The following PRKACA variants were observed in gnomAD, a reference collection of about 807,000 sequenced individuals.
PRKACA encodes protein kinase cAMP-activated catalytic subunit alpha.
In PRKACA, 9 loss-of-function variants were observed where a neutral mutation model predicts 45.8. That is an observed-to-expected ratio of 0.20 (90% confidence interval 0.12 to 0.34). PRKACA has a LOEUF of 0.34. PRKACA is among the 10% of genes least tolerant of loss of function. The probability of loss-of-function intolerance (pLI) is 1.00; values close to 1 mark genes in which losing one functional copy is unlikely to be tolerated. For missense variants in PRKACA, 238 were observed against 458.6 expected (o/e 0.52, Z 4.39); for synonymous variants, 160 against 178.6 (o/e 0.90, Z 0.83).
intron 9 of PRKACA, 131 bp from the exon 10 acceptor site, chr19:14,093,368 G>T: frequency 7.8e-7 from 1 of 1,288,814 alleles, no homozygotes; most frequent in Non-Finnish European, 1.1e-6. Context: ...TTAGGTTATG[G>T]ATTCCTCTTA....
intron 5 of PRKACA, among the ~76,000 whole-genome samples, chr19:14,100,125 G>A (rs1416113220): frequency 5.3e-5 from 8 of 151,812 alleles, no homozygotes; most frequent in African/African-American, 1.5e-4. Context: ...TTACAGGCAC[G>A]AGCCACTGCG....
rs112788334 is a variant in PRKACA, at chr19:14,114,375, G to A, written c.46+3127C>T. 6.0e-3 allele frequency among the ~76,000 whole-genome samples: 908 copies of A among 151,806 alleles called. 3 individuals are homozygous for A. The highest frequency in any genetic ancestry group is 8.6e-3 in the South Asian group (38 of 4,398). On this transcript the variant is annotated intron_variant, in intron 1 of 9. Coordinates refer to ENST00000308677, the MANE Select transcript of PRKACA (RefSeq NM_002730.4). The stretch of plus-strand genomic sequence containing the variant: ...TTTCTGTAGACGCGGTTGCGCTAAG[G>A]GGAGAGCTGCCTTGATAAGACCTCT...
chr19:14,098,335 C>T (rs904424549), intron 5 of PRKACA: 10 of 168,166 alleles, frequency 5.9e-5, no homozygotes, highest in African/African-American at 2.4e-4. Context: ...CGGCCCGGTG[C>T]GGTGGCTCAC....
intron 9 of PRKACA, 58 bp downstream of exon 9, chr19:14,093,570 C>T (rs1001929046): frequency 5.2e-5 from 81 of 1,554,642 alleles, no homozygotes; most frequent in Non-Finnish European, 6.5e-5. Flanking sequence ...ATTGGCTGTC[C>T]TCCCTGACTC....
intron 5 of PRKACA, among the ~76,000 whole-genome samples, chr19:14,098,726 C>T (rs1977344162): frequency 6.7e-6 from 1 of 149,904 alleles, no homozygotes; most frequent in African/African-American, 2.5e-5. Context: ...GAACTCCTGA[C>T]CTTGTGATTC....
At chr19:14,104,168 T>C (rs1240245787) in intron 3 of PRKACA, among the ~76,000 whole-genome samples, 1 of 149,988 alleles carries the variant, frequency 6.7e-6, no homozygotes, top group Non-Finnish European at 1.5e-5. Flanking sequence ...AAACCCCGTC[T>C]CTACTAAAAA....
rs750269719 is a variant in PRKACA at position 14,102,800 on chromosome 19, G to T, written c.336+16C>A. 5 of 1,608,692 alleles carry T rather than the reference G, an allele frequency of 3.1e-6. No homozygotes were observed. The highest frequency in any genetic ancestry group is 4.3e-6 in the Non-Finnish European group (5 of 1,175,008). On this transcript the variant is annotated intron_variant, in intron 4 of 9. Coordinates refer to ENST00000308677, the MANE Select transcript of PRKACA (RefSeq NM_002730.4). ...CCAATGCAGTGACCCCCCGCCCTTG[G>T]CCACTGGGACCCCACCTTGAAGGAG...
intron 4 of PRKACA, among the ~76,000 whole-genome samples, chr19:14,102,554 AG>A (rs1305771166): frequency 2.0e-5 from 3 of 152,280 alleles, no homozygotes; most frequent in Admixed American, 6.5e-5. Context: ...ACCATAAACC[AG>A]GTGCTGCTTT....
Position 14,093,134 on chromosome 19 carries a change from C to T in PRKACA, c.1034G>A (p.Gly345Asp). 1 of 1,606,864 alleles carries T rather than the reference C, an allele frequency of 6.2e-7. No individual in the cohort carries two copies. Among genetic ancestry groups the T allele is most frequent in the Non-Finnish European group, 8.5e-7 (1 of 1,176,046 alleles). Residue 345 changes from glycine to aspartate, a missense_variant, in exon 10 of 10, where the codon GGC becomes GAC. By Grantham distance (94) the Gly-to-Asp change is moderately conservative. This residue lies in a region of PRKACA where 51 missense variants were observed against 68.6 expected (regional missense o/e 0.74). Transcript: ENST00000308677. ...EIRVSINEKC[G>D]KEFSEF Reference sequence around the variant, plus strand: ...CCCCTAAAACTCAGAAAACTCCTTGCCACACTTCTCATTGATGGAGACCCG... The same window carrying T: ...CCCCTAAAACTCAGAAAACTCCTTGTCACACTTCTCATTGATGGAGACCCG...
intron 1 of PRKACA, 191 bp from the exon 2 acceptor site, chr19:14,107,600 A>G: frequency 7.6e-7 from 1 of 1,317,146 alleles, no homozygotes. Context: ...GGTGGGATCC[A>G]GCTGCCACTC....
intron 3 of PRKACA, among the ~76,000 whole-genome samples, chr19:14,106,105 CTTTG>C (rs1977595788): frequency 6.6e-6 from 1 of 151,940 alleles, no homozygotes; most frequent in Non-Finnish European, 1.5e-5. Flanking sequence ...AATCCCTGTG[CTTTG>C]GGAGGCTGAA....
intron 4 of PRKACA, 122 bp from the exon 5 acceptor site, chr19:14,101,030 T>C: frequency 1.2e-6 from 1 of 831,298 alleles, no homozygotes; most frequent in Non-Finnish European, 2.0e-6. Flanking sequence ...TGGCTCCCTG[T>C]AGGAATCATG....
chr19:14,111,189 G>A (rs1966953261), intron 1 of PRKACA, among the ~76,000 whole-genome samples: 1 of 152,208 alleles, frequency 6.6e-6, no homozygotes, highest in Non-Finnish European at 1.5e-5. Flanking sequence ...CCTGAGGTTG[G>A]GAGTTTGAGA....
chr19:14,102,998 C>T (rs1012106445), intron 3 of PRKACA, 84 bp from the exon 4 acceptor site: 39 of 1,114,734 alleles, frequency 3.5e-5, no homozygotes, highest in African/African-American at 7.7e-5. Context: ...CTAGGGATGC[C>T]GGAGCCAGGC....
chr19:14,100,303 A>G (rs1422644112), intron 5 of PRKACA, among the ~76,000 whole-genome samples: 1 of 151,120 alleles, frequency 6.6e-6, no homozygotes, highest in Non-Finnish European at 1.5e-5. Context: ...CAACAACTTC[A>G]ATTTTTTTTT....
chr19:14,106,379 C>T (rs944485759), intron 3 of PRKACA, among the ~76,000 whole-genome samples: 1 of 151,974 alleles, frequency 6.6e-6, no homozygotes, highest in African/African-American at 2.4e-5. Context: ...AGCGGCCAGG[C>T]GCGGTGGCTC....
rs1327107334 is a variant in PRKACA, at chr19:14,094,400, G to C, written c.766-608C>G. ...GACGGGGTTTCACCATATTGGTCAG[G>C]CTGGTCTTGAACTCTTGACCTTAGG... On this transcript the variant is annotated intron_variant, in intron 8 of 9. Transcript: ENST00000308677. Among the ~76,000 whole-genome samples the C allele has an allele frequency of 2.6e-5, 4 of 152,124 alleles. No individual in the cohort carries two copies. The East Asian group carries it at 7.7e-4, about 29-fold the overall frequency.
At chr19:14,101,055 C>A (rs1977428217) in intron 4 of PRKACA, 147 bp from the exon 5 acceptor site, 4 of 674,614 alleles carry the variant, frequency 5.9e-6, no homozygotes, top group Non-Finnish European at 1.1e-5. Context: ...ACAGGGGCGA[C>A]CCTTATCCTG....
rs762472510 is a variant in PRKACA at position 14,093,181 on chromosome 19, G to A, written c.987C>T (p.Asp329=). The change falls in exon 10 of 10, where the codon GAC becomes GAT. Residue 329 remains aspartate (D), a synonymous_variant. Coordinates refer to ENST00000308677, the MANE Select transcript of PRKACA (RefSeq NM_002730.4). Reference sequence around the variant, plus strand: ...CCCGGATTTCTTCTTCCTCATAGTCGTCAAAGTTACTCGTATCCCCAGGGC... The same window carrying A: ...CCCGGATTTCTTCTTCCTCATAGTCATCAAAGTTACTCGTATCCCCAGGGC... The part of the protein sequence containing the change: ...FKGPGDTSNF[D]DYEEEEIRVS... 1.4e-5 allele frequency: 23 copies of A among 1,613,768 alleles called. No individual in the cohort carries two copies. The East Asian group carries it at 2.9e-4, about 20-fold the overall frequency.
Sources: gnomAD v4.1 joint callset for allele counts (sites outside exome capture counted in the v4.1 genomes callset) on GRCh38, gnomAD v4.1.1 for gene constraint, gnomAD v4.1.1 regional missense constraint, MANE v1.5 for transcripts, NCBI Gene and HGNC (gene_info 2026-07-23, HGNC 2026-07-21) for gene names.